The following FBXL17 variants were observed in gnomAD, a reference collection of about 807,000 sequenced individuals.
FBXL17 encodes F-box and leucine rich repeat protein 17.
Under a neutral mutation model 66.2 loss-of-function variants are expected in FBXL17, and 22 were observed. The ratio of observed to expected loss-of-function variants is 0.33; its 90% confidence interval spans 0.24 to 0.47. The LOEUF is 0.47. FBXL17 is among the 20% of genes least tolerant of loss of function. The pLI is 1.00. For missense variants in FBXL17, 878 were observed against 948.2 expected, an observed-to-expected ratio of 0.93 and a Z score of 0.97; for synonymous variants, 474 against 400.5, an observed-to-expected ratio of 1.18 and a Z score of -2.19.
intron 5 of FBXL17, among the ~76,000 whole-genome samples, chr5:108,222,553 T>A (rs1294901773): frequency 6.6e-6 from 1 of 152,132 alleles, no homozygotes; most frequent in Non-Finnish European, 1.5e-5. Context: ...AGCTAATCAG[T>A]CCTTTAAGAC....
intron 7 of FBXL17, among the ~76,000 whole-genome samples, chr5:108,005,650 T>C (rs1753894434): frequency 6.6e-6 from 1 of 152,226 alleles, no homozygotes; most frequent in Non-Finnish European, 1.5e-5. Context: ...CAACTATTAT[T>C]GCTTATTGTA....
At chr5:107,907,685 C>T (rs1373378905) in intron 7 of FBXL17, among the ~76,000 whole-genome samples, 1 of 152,160 alleles carries the variant, frequency 6.6e-6, no homozygotes, top group East Asian at 1.9e-4. Context: ...CCAAAAAACA[C>T]ATGACAAAAT....
Position 107,965,834 on chromosome 5 carries a change from C to T in FBXL17, c.1822+55091G>A, listed in dbSNP as rs534872916. ...ATTACTGGAGGGAAAAATATGTTCC[C>T]AATACAAATATGAATTACACATAAA... is the stretch of plus-strand genomic sequence containing the variant. On this transcript the variant is annotated intron_variant, in intron 7 of 8. Transcript: ENST00000542267. 5.3e-5 allele frequency among the ~76,000 whole-genome samples: 8 copies of T among 152,100 alleles called. No homozygotes were observed. The South Asian group carries it at 1.7e-3, about 32-fold the overall frequency.
intron 4 of FBXL17, among the ~76,000 whole-genome samples, chr5:108,289,369 G>T (rs1313929233): frequency 6.6e-6 from 1 of 151,940 alleles, no homozygotes. Context: ...CTAATATTTG[G>T]TGTTAAAGGA....
chr5:108,003,211 A>G (rs1200092770), intron 7 of FBXL17, among the ~76,000 whole-genome samples: 1 of 152,222 alleles, frequency 6.6e-6, no homozygotes, highest in Non-Finnish European at 1.5e-5. Context: ...TGAGAATCAA[A>G]GTCACAGGCC....
At chr5:108,307,982 T>C (rs538648147) in intron 4 of FBXL17, among the ~76,000 whole-genome samples, 6 of 152,228 alleles carry the variant, frequency 3.9e-5, no homozygotes, top group African/African-American at 9.6e-5. Flanking sequence ...TAATAAAATA[T>C]GATACATGAA....
intron 6 of FBXL17, among the ~76,000 whole-genome samples, chr5:108,180,198 ATT>A (rs1341881610): frequency 1.3e-5 from 2 of 152,196 alleles, no homozygotes; most frequent in Non-Finnish European, 2.9e-5. Flanking sequence ...AAATGGTCTT[ATT>A]TAAAAGTTAC....
intron 4 of FBXL17, among the ~76,000 whole-genome samples, chr5:108,301,533 G>A (rs1758588110): frequency 6.6e-6 from 1 of 151,712 alleles, no homozygotes; most frequent in Admixed American, 6.6e-5. Flanking sequence ...CTGCCATATA[G>A]TTGAATGCAA....
intron 6 of FBXL17, among the ~76,000 whole-genome samples, chr5:108,048,532 C>T (rs985948014): frequency 5.3e-5 from 8 of 152,126 alleles, no homozygotes; most frequent in African/African-American, 1.4e-4. Context: ...CATGTCCTAA[C>T]CCAGTGCAAA....
intron 6 of FBXL17, among the ~76,000 whole-genome samples, chr5:108,126,654 T>TATATAC (rs1750720510): frequency 3.2e-5 from 4 of 126,848 alleles, no homozygotes; most frequent in African/African-American, 1.2e-4. Flanking sequence ...TCTCTCTCTA[T>TATATAC]ATATATATAC....
At chr5:107,862,784 G>GTCTATTTCTCTTGCTCCA (rs779583283) in intron 8 of FBXL17, among the ~76,000 whole-genome samples, 12 of 151,694 alleles carry the variant, frequency 7.9e-5, no homozygotes, top group Admixed American at 1.3e-4. Flanking sequence ...TATTGGAAAA[G>GTCTATTTCTCTTGCTCCA]ATCAGGACCA....
intron 7 of FBXL17, among the ~76,000 whole-genome samples, chr5:107,919,164 A>G (rs1273201660): frequency 6.6e-6 from 1 of 152,198 alleles, no homozygotes; most frequent in Non-Finnish European, 1.5e-5. Flanking sequence ...CTGACTAACT[A>G]AAGATTGGAT....
At chr5:107,948,278 T>C (rs1232414088) in intron 7 of FBXL17, among the ~76,000 whole-genome samples, 1 of 152,224 alleles carries the variant, frequency 6.6e-6, no homozygotes. Context: ...ATCATAACCA[T>C]GTAATTAATT....
intron 4 of FBXL17, among the ~76,000 whole-genome samples, chr5:108,262,782 T>C (rs994152513): frequency 6.6e-6 from 1 of 152,132 alleles, no homozygotes; most frequent in Non-Finnish European, 1.5e-5. Flanking sequence ...TTTATTAAAA[T>C]ACAATTGTCA....
At chr5:108,216,240 T>C (rs1754594584) in intron 5 of FBXL17, among the ~76,000 whole-genome samples, 2 of 152,136 alleles carry the variant, frequency 1.3e-5, no homozygotes, top group South Asian at 4.1e-4. Context: ...CTGCTGAGAT[T>C]TTTACAGAGA....
At chr5:108,009,296 T>TATATAC (rs1240045812) in intron 7 of FBXL17, among the ~76,000 whole-genome samples, 3 of 32,444 alleles carry the variant, frequency 9.2e-5, no homozygotes, top group African/African-American at 2.9e-4. Flanking sequence ...TATATATATA[T>TATATAC]ATATACATAT....
intron 8 of FBXL17, among the ~76,000 whole-genome samples, chr5:107,872,642 G>C (rs1341330965): frequency 6.6e-6 from 1 of 152,148 alleles, no homozygotes; most frequent in Non-Finnish European, 1.5e-5. Flanking sequence ...ATATAACATA[G>C]AAGGAGAAAC....
rs544658819 is a variant in FBXL17 at position 108,375,390 on chromosome 5, C to T, written c.993+5309G>A. On this transcript the variant is annotated intron_variant, in intron 1 of 8. Coordinates refer to ENST00000542267, the MANE Select transcript of FBXL17 (RefSeq NM_001163315.3). ...CTGCACACACACACACACACACACA[C>T]ACACAAAATTGGCTAGACTAAGAAT... is the stretch of plus-strand genomic sequence containing the variant. 6.7e-4 allele frequency among the ~76,000 whole-genome samples: 99 copies of T among 146,674 alleles called. 1 individual carries two copies. Among genetic ancestry groups the T allele is most frequent in the African/African-American group, 2.4e-3 (96 of 40,220 alleles).
At chr5:108,183,399 T>C (rs1425210904) in intron 6 of FBXL17, among the ~76,000 whole-genome samples, 1 of 152,206 alleles carries the variant, frequency 6.6e-6, no homozygotes, top group Non-Finnish European at 1.5e-5. Flanking sequence ...ATTAAACTAA[T>C]GTTAGATATT....
Sources: gnomAD v4.1 joint callset for allele counts (sites outside exome capture counted in the v4.1 genomes callset) on GRCh38, gnomAD v4.1.1 for gene constraint, MANE v1.5 for transcripts, NCBI Gene and HGNC (gene_info 2026-07-23, HGNC 2026-07-21) for gene names.